The following SEMA6D variants were observed in gnomAD, a reference collection of about 807,000 sequenced individuals.
The protein encoded by SEMA6D is semaphorin-6D.
SEMA6D carries 35 observed loss-of-function variants against 106.6 expected under a neutral mutation model. The observed-to-expected ratio is 0.33, with a 90% CI of 0.25 to 0.44. The LOEUF is 0.44. SEMA6D is among the 20% of genes least tolerant of loss of function. SEMA6D has a pLI of 1.00. For synonymous variants in SEMA6D, 499 were observed against 487.7 expected, an observed-to-expected ratio of 1.02 and a Z score of -0.31; for missense variants, 1,185 against 1,345.9, an observed-to-expected ratio of 0.88 and a Z score of 1.87.
intron 1 of SEMA6D, among the ~76,000 whole-genome samples, chr15:47,209,652 G>A (rs779512307): frequency 8.5e-5 from 13 of 152,122 alleles, no homozygotes; most frequent in Non-Finnish European, 1.3e-4. Context: ...GTATACAAAT[G>A]TCAGATGTGA....
At chr15:47,399,950 C>G (rs978406109) in intron 1 of SEMA6D, among the ~76,000 whole-genome samples, 20 of 152,108 alleles carry the variant, frequency 1.3e-4, no homozygotes, top group African/African-American at 4.8e-4. Context: ...GTTGTTGGAT[C>G]CTAAATCAGA....
At chr15:47,441,129 T>C (rs1045724918) in intron 2 of SEMA6D, among the ~76,000 whole-genome samples, 17 of 152,210 alleles carry the variant, frequency 1.1e-4, no homozygotes, top group Admixed American at 5.2e-4. Flanking sequence ...TTGTATCTCT[T>C]TATGAGTCTC....
intron 1 of SEMA6D, among the ~76,000 whole-genome samples, chr15:47,743,577 T>C (rs1474754789): frequency 6.6e-6 from 1 of 152,126 alleles, no homozygotes; most frequent in Non-Finnish European, 1.5e-5. Flanking sequence ...TGATATGTGC[T>C]CTGATGAAAG....
chr15:47,765,681 G>T, intron 13 of SEMA6D, 188 bp from the exon 14 acceptor site: 1 of 599,408 alleles, frequency 1.7e-6, no homozygotes, highest in Non-Finnish European at 2.5e-6. Flanking sequence ...CCTTTGTCCA[G>T]CCTGAAATTT....
chr15:47,647,232 A>C (rs532672872), intron 4 of SEMA6D, among the ~76,000 whole-genome samples: 1 of 152,308 alleles, frequency 6.6e-6, no homozygotes, highest in East Asian at 1.9e-4. Context: ...CAAGATATAC[A>C]CCTTTCTAAG....
intron 1 of SEMA6D, among the ~76,000 whole-genome samples, chr15:47,331,959 G>C (rs1346867615): frequency 6.6e-6 from 1 of 152,134 alleles, no homozygotes; most frequent in Non-Finnish European, 1.5e-5. Context: ...GGAATGAAGA[G>C]CTCAGTAAAA....
chr15:47,585,524 G>T (rs1306063440), intron 3 of SEMA6D, among the ~76,000 whole-genome samples: 1 of 152,078 alleles, frequency 6.6e-6, no homozygotes, highest in Non-Finnish European at 1.5e-5. Context: ...CTTAATAGAG[G>T]CAAGGACACT....
At chr15:47,611,266 A>G (rs1002512305) in intron 4 of SEMA6D, among the ~76,000 whole-genome samples, 2 of 152,130 alleles carry the variant, frequency 1.3e-5, no homozygotes, top group Non-Finnish European at 2.9e-5. Flanking sequence ...CAGTCTTTAC[A>G]TTTGTCTACA....
intron 2 of SEMA6D, among the ~76,000 whole-genome samples, chr15:47,425,447 G>A (rs1336926495): frequency 2.0e-5 from 3 of 151,826 alleles, no homozygotes; most frequent in Non-Finnish European, 2.9e-5. Flanking sequence ...ATACTTTGGG[G>A]TATTGCTTTC....
chr15:47,547,572 T>G (rs2045561422), intron 3 of SEMA6D, among the ~76,000 whole-genome samples: 1 of 152,152 alleles, frequency 6.6e-6, no homozygotes, highest in African/African-American at 2.4e-5. Flanking sequence ...ATTTGGTAAG[T>G]CCCAATAAAA....
At chr15:47,382,656 A>G (rs2039683723) in intron 1 of SEMA6D, among the ~76,000 whole-genome samples, 1 of 152,248 alleles carries the variant, frequency 6.6e-6, no homozygotes, top group Admixed American at 6.5e-5. Flanking sequence ...GGCTAAGACA[A>G]GGTTTCTGTC....
chr15:47,447,162 A>G (rs2042053393), intron 2 of SEMA6D, among the ~76,000 whole-genome samples: 1 of 152,064 alleles, frequency 6.6e-6, no homozygotes, highest in African/African-American at 2.4e-5. Context: ...CCCAGCCTTC[A>G]AGATCCTCTC....
intron 1 of SEMA6D, among the ~76,000 whole-genome samples, chr15:47,247,885 C>A (rs767699394): frequency 6.6e-6 from 1 of 152,166 alleles, no homozygotes; most frequent in Non-Finnish European, 1.5e-5. Context: ...GAGCTGGGAA[C>A]TGTGTCAGAC....
intron 4 of SEMA6D, among the ~76,000 whole-genome samples, chr15:47,608,124 T>C (rs1179084088): frequency 1.2e-4 from 19 of 152,166 alleles, no homozygotes; most frequent in Admixed American, 1.2e-3. Context: ...TATGGAATGG[T>C]TCATTTGTGT....
At position 47,201,829 on chromosome 15, in the gene SEMA6D, A is replaced by C. The variant is rs1894745516; in HGVS notation, c.-239+17411A>C. The stretch of plus-strand genomic sequence containing the variant: ...CAGACCACCAGTTGGTCTCTTATTC[A>C]AGATAATTTCTATACCCTACTCCTC... On this transcript the variant is annotated intron_variant, in intron 1 of 19. Coordinates refer to the SEMA6D transcript ENST00000558014. 3.3e-5 allele frequency among the ~76,000 whole-genome samples: 5 copies of C among 152,194 alleles called. No individual in the cohort carries two copies. In the South Asian group the frequency reaches 1.0e-3, roughly 32 times the overall value.
At chr15:47,502,171 TA>T (rs920462265) in intron 3 of SEMA6D, among the ~76,000 whole-genome samples, 3 of 151,990 alleles carry the variant, frequency 2.0e-5, no homozygotes, top group Non-Finnish European at 2.9e-5. Context: ...GCAGTGACCA[TA>T]AAAAAAATCA....
chr15:47,728,890 G>C (rs2079940307), intron 1 of SEMA6D, among the ~76,000 whole-genome samples: 1 of 152,196 alleles, frequency 6.6e-6, no homozygotes, highest in South Asian at 2.1e-4. Context: ...CTTGTGGTTA[G>C]CTTCGGACCA....
intron 2 of SEMA6D, among the ~76,000 whole-genome samples, chr15:47,427,043 G>A (rs2041364028): frequency 6.6e-6 from 1 of 152,144 alleles, no homozygotes; most frequent in Non-Finnish European, 1.5e-5. Context: ...AACACCAGTA[G>A]GGTGTTATAA....
intron 3 of SEMA6D, among the ~76,000 whole-genome samples, chr15:47,489,470 A>T (rs558378638): frequency 5.6e-4 from 85 of 152,272 alleles, no homozygotes; most frequent in Non-Finnish European, 1.0e-3. Context: ...ATGTGTCAAA[A>T]CTATTCAAAA....
Sources: gnomAD v4.1 joint callset for allele counts (sites outside exome capture counted in the v4.1 genomes callset) on GRCh38, gnomAD v4.1.1 for gene constraint, MANE v1.5 for transcripts, NCBI Gene and HGNC (gene_info 2026-07-23, HGNC 2026-07-21) for gene names.